The following DOCK8 variants were observed in gnomAD, a reference collection of about 807,000 sequenced individuals.
DOCK8 encodes dedicator of cytokinesis protein 8.
Under a neutral mutation model 245.6 loss-of-function variants are expected in DOCK8, and 141 were observed. The ratio of observed to expected loss-of-function variants is 0.57; its 90% CI spans 0.50 to 0.66. The LOEUF is 0.66. Ranked by LOEUF, DOCK8 falls within the 30% of genes least tolerant of loss-of-function variation. DOCK8 has a pLI of 0.00. For synonymous variants in DOCK8, 1,168 were observed against 970.2 expected, an observed-to-expected ratio of 1.20 and a Z score of -3.79; for missense variants, 2,965 against 2,603.4, an observed-to-expected ratio of 1.14 and a Z score of -3.02.
At chr9:437,808 A>G (rs1299342142) in intron 39 of DOCK8, among the ~76,000 whole-genome samples, 1 of 152,254 alleles carries the variant, frequency 6.6e-6, no homozygotes. Context: ...TCACAACTGT[A>G]GATACGGACA....
intron 4 of DOCK8, among the ~76,000 whole-genome samples, chr9:303,142 AG>A (rs1449960322): frequency 2.0e-5 from 3 of 152,016 alleles, no homozygotes; most frequent in Non-Finnish European, 4.4e-5. Context: ...CCTGGGTAGC[AG>A]AACGAGACCC....
At chr9:375,874 G>T (rs1321830998) in intron 18 of DOCK8, among the ~76,000 whole-genome samples, 2 of 152,166 alleles carry the variant, frequency 1.3e-5, no homozygotes, top group African/African-American at 4.8e-5. Flanking sequence ...GTGTGTGCCT[G>T]TAGTCCCCGC....
At chr9:327,053 C>G (rs2050794867) in intron 8 of DOCK8, among the ~76,000 whole-genome samples, 1 of 152,232 alleles carries the variant, frequency 6.6e-6, no homozygotes, top group Non-Finnish European at 1.5e-5. Flanking sequence ...TCCCTACAAC[C>G]AGGCTTTCTT....
chr9:319,197 C>T (rs554325097), intron 7 of DOCK8, among the ~76,000 whole-genome samples: 6 of 152,198 alleles, frequency 3.9e-5, no homozygotes, highest in Non-Finnish European at 7.4e-5. Context: ...GTGGAAGGAT[C>T]GCTTGAGGCC....
intron 1 of DOCK8, among the ~76,000 whole-genome samples, chr9:224,306 C>A (rs1273888679): frequency 6.6e-6 from 1 of 152,114 alleles, no homozygotes; most frequent in Admixed American, 6.6e-5. Context: ...TTGCATTTGA[C>A]CCAAGATAAG....
At position 426,990 on chromosome 9, in the gene DOCK8, A is replaced by G; in HGVS notation, c.4338+9A>G. The G allele has an allele frequency of 1.2e-6, 2 of 1,609,578 alleles. No individual in the cohort carries two copies. Among genetic ancestry groups the G allele is most frequent in the Non-Finnish European group, 1.7e-6 (2 of 1,176,152 alleles). On this transcript the variant is annotated intron_variant, in intron 34 of 47. Transcript: ENST00000432829. The stretch of plus-strand genomic sequence containing the variant: ...AGGAAAACATTATCCAGGTGAGGAA[A>G]ACAAACACCCAATCTGATTTGTTGG...
chr9:272,354 T>C (rs1054584054), intron 2 of DOCK8, among the ~76,000 whole-genome samples: 4 of 152,186 alleles, frequency 2.6e-5, no homozygotes, highest in Admixed American at 6.5e-5. Context: ...TTTTGCTCTA[T>C]CTGGAGCTTC....
intron 13 of DOCK8, among the ~76,000 whole-genome samples, 165 bp downstream of exon 13, chr9:339,264 C>G (rs2051461559): frequency 6.6e-6 from 1 of 152,124 alleles, no homozygotes; most frequent in Non-Finnish European, 1.5e-5. Context: ...TTTGGCAAAC[C>G]TATTAATGTT....
intron 10 of DOCK8, 67 bp downstream of exon 10, chr9:332,545 C>A: frequency 8.9e-7 from 1 of 1,129,088 alleles, no homozygotes; most frequent in Non-Finnish European, 1.3e-6. Flanking sequence ...AGAAGTGTTA[C>A]ACAAATAGTT....
intron 2 of DOCK8, among the ~76,000 whole-genome samples, chr9:276,436 A>G (rs1003010695): frequency 6.6e-5 from 10 of 151,842 alleles, no homozygotes; most frequent in African/African-American, 2.4e-4. Context: ...GTTTTTAAAA[A>G]CTATAAATAT....
intron 6 of DOCK8, chr9:314,503 A>C (rs1366743433): frequency 6.6e-6 from 1 of 152,240 alleles, no homozygotes; most frequent in African/African-American, 2.4e-5. Context: ...ATGATCTTTG[A>C]AACAATGCAG....
At chr9:450,893 C>T (rs753374721) in intron 45 of DOCK8, among the ~76,000 whole-genome samples, 5 of 150,682 alleles carry the variant, frequency 3.3e-5, no homozygotes, top group Non-Finnish European at 5.9e-5. Context: ...GATAAGTGAA[C>T]AAAAATGAAT....
At chr9:440,901 T>A (rs887439356) in intron 40 of DOCK8, among the ~76,000 whole-genome samples, 6 of 152,230 alleles carry the variant, frequency 3.9e-5, no homozygotes, top group Non-Finnish European at 7.4e-5. Flanking sequence ...ACCTGGCTGA[T>A]TTTTTAATTT....
chr9:338,950 C>A, intron 12 of DOCK8, 56 bp from the exon 13 acceptor site: 1 of 1,480,298 alleles, frequency 6.8e-7, no homozygotes, highest in Non-Finnish European at 9.4e-7. Flanking sequence ...AATCGTTTGT[C>A]CCCAACCCAA....
chr9:286,287 T>C (rs1160947227), intron 2 of DOCK8, among the ~76,000 whole-genome samples, 174 bp from the exon 3 acceptor site: 1 of 152,214 alleles, frequency 6.6e-6, no homozygotes, highest in African/African-American at 2.4e-5. Context: ...CTGCATTTTT[T>C]TCCATATCAC....
At chr9:424,875 C>T (rs10814854) in intron 33 of DOCK8, among the ~76,000 whole-genome samples, 40,172 of 152,022 alleles carry the variant, frequency 0.26, 6,051 homozygotes, top group East Asian at 0.46. Context: ...CAGATTAGGA[C>T]ACTCTAGATT....
intron 33 of DOCK8, among the ~76,000 whole-genome samples, chr9:425,824 T>G (rs2056479106): frequency 6.7e-6 from 1 of 148,286 alleles, no homozygotes; most frequent in Non-Finnish European, 1.5e-5. Flanking sequence ...ACTTGGAAAA[T>G]GAGAAAAAGT....
chr9:336,515 A>C, intron 11 of DOCK8, 67 bp from the exon 12 acceptor site: 1 of 1,601,380 alleles, frequency 6.2e-7, no homozygotes, highest in Non-Finnish European at 8.5e-7. Context: ...ACATATTGTG[A>C]AGTTAATAAC....
chr9:345,781 C>G (rs555756491), intron 14 of DOCK8, among the ~76,000 whole-genome samples: 55 of 152,192 alleles, frequency 3.6e-4, no homozygotes, highest in African/African-American at 1.3e-3. Flanking sequence ...TAGGTTGGTG[C>G]AAAAGTAATT....
Sources: allele counts gnomAD v4.1 joint callset (sites outside exome capture counted in the v4.1 genomes callset), GRCh38; gene constraint gnomAD v4.1.1; transcripts MANE v1.5; gene names NCBI Gene and HGNC (gene_info 2026-07-23, HGNC 2026-07-21).